SORBS2: variants seen among roughly 807,000 people sequenced by gnomAD.
The protein encoded by SORBS2 is sorbin and SH3 domain-containing protein 2.
A neutral mutation model predicts 97.7 loss-of-function variants in SORBS2; 46 were observed. The observed-to-expected ratio is 0.47, with a 90% CI of 0.37 to 0.60. The LOEUF (loss-of-function observed/expected upper bound fraction) is 0.60. Ranked by LOEUF, SORBS2 falls within the 20% of genes least tolerant of loss-of-function variation. The pLI is 0.00. For missense variants in SORBS2, 1,316 were observed against 1,282.3 expected (o/e 1.03, Z -0.40); for synonymous variants, 476 against 473.4 (o/e 1.01, Z -0.07).
intron 5 of SORBS2, among the ~76,000 whole-genome samples, chr4:185,628,839 T>A (rs532569940): frequency 3.0e-4 from 46 of 152,310 alleles, no homozygotes; most frequent in African/African-American, 1.1e-3. Context: ...ATACTGTCAA[T>A]AGTCTAGAAC....
At chr4:185,663,557 T>C (rs1320342998) in intron 4 of SORBS2, among the ~76,000 whole-genome samples, 1 of 152,224 alleles carries the variant, frequency 6.6e-6, no homozygotes, top group Non-Finnish European at 1.5e-5. Context: ...TTCAAATAAC[T>C]GTGAGGCACA....
chr4:185,926,598 A>G (rs757364241), intron 1 of SORBS2, among the ~76,000 whole-genome samples: 1 of 151,718 alleles, frequency 6.6e-6, no homozygotes, highest in Non-Finnish European at 1.5e-5. Context: ...ATAAAAGCCA[A>G]TTTTTAAAAC....
exon 1 of SORBS2, chr4:185,656,920 T>C: frequency 8.2e-7 from 1 of 1,223,090 alleles, no homozygotes; most frequent in Non-Finnish European, 1.0e-6. Flanking sequence ...TTCCTTTCCA[T>C]GACATTAACT....
At chr4:185,753,781 G>T (rs1329267029) in intron 2 of SORBS2, among the ~76,000 whole-genome samples, 1 of 152,072 alleles carries the variant, frequency 6.6e-6, no homozygotes, top group African/African-American at 2.4e-5. Context: ...AGCACCAATG[G>T]ATGTGAGTTT....
rs368463075 is a variant in SORBS2, at chr4:185,635,344, C to T, written c.397-4746G>A. The T allele has an allele frequency of 1.5e-4, 231 of 1,592,770 alleles. 1 individual carries two copies. The African/African-American group carries it at 2.5e-3, about 17-fold the overall frequency. On this transcript the variant is annotated intron_variant, in intron 4 of 14. Coordinates refer to ENST00000418609, the Ensembl canonical transcript of SORBS2. The stretch of plus-strand genomic sequence containing the variant: ...GAGATATCTGAAAAAGAGAGAATAA[C>T]GTGTTTTTACCTCATTGAAAACACC...
At chr4:185,789,914 A>G (rs768568926) in intron 1 of SORBS2, among the ~76,000 whole-genome samples, 144 of 152,296 alleles carry the variant, frequency 9.5e-4, no homozygotes, top group Non-Finnish European at 1.4e-3. Context: ...TCCTACCTAT[A>G]TAAATACTTA....
chr4:185,786,854 T>C (rs2153640544), intron 1 of SORBS2, among the ~76,000 whole-genome samples: 1 of 151,812 alleles, frequency 6.6e-6, no homozygotes, highest in South Asian at 2.1e-4. Flanking sequence ...CCCAGCTACT[T>C]GGGAGGCTGA....
At chr4:185,746,845 C>A (rs900911107) in intron 2 of SORBS2, among the ~76,000 whole-genome samples, 33 of 152,214 alleles carry the variant, frequency 2.2e-4, no homozygotes, top group Admixed American at 1.6e-3. Context: ...TTGTTATGGG[C>A]TGAATTGTGC....
chr4:185,832,428 T>C (rs2099205660), intron 1 of SORBS2, among the ~76,000 whole-genome samples: 1 of 152,208 alleles, frequency 6.6e-6, no homozygotes, highest in South Asian at 2.1e-4. Context: ...CTTCTATCTA[T>C]CTTGGCTGGT....
chr4:185,827,693 T>C (rs201767035), intron 1 of SORBS2, among the ~76,000 whole-genome samples: 1,155 of 49,362 alleles, frequency 0.023, 5 homozygotes, highest in East Asian at 0.17. Flanking sequence ...ACCACCATCA[T>C]CATCATCACC....
chr4:185,687,883 C>T (rs1261532275), intron 2 of SORBS2, among the ~76,000 whole-genome samples: 1 of 152,156 alleles, frequency 6.6e-6, no homozygotes, highest in African/African-American at 2.4e-5. Context: ...TTTTTAAGAT[C>T]TTAAAACAAG....
At chr4:185,868,755 G>A (rs1391727588) in intron 1 of SORBS2, among the ~76,000 whole-genome samples, 2 of 152,004 alleles carry the variant, frequency 1.3e-5, no homozygotes, top group African/African-American at 4.8e-5. Context: ...CCATCACCAG[G>A]GGCAAGTCAT....
chr4:185,783,007 G>A (rs1254409236), intron 1 of SORBS2, among the ~76,000 whole-genome samples: 1 of 152,116 alleles, frequency 6.6e-6, no homozygotes, highest in African/African-American at 2.4e-5. Context: ...TCTTTTCTGA[G>A]ACATTAAAAA....
chr4:185,687,780 G>A (rs992149421), intron 2 of SORBS2, among the ~76,000 whole-genome samples: 1 of 152,190 alleles, frequency 6.6e-6, no homozygotes, highest in African/African-American at 2.4e-5. Context: ...TCTAAAACTT[G>A]AGGCATTTGT....
chr4:185,905,161 A>T (rs1433135250), intron 1 of SORBS2, among the ~76,000 whole-genome samples: 1 of 152,144 alleles, frequency 6.6e-6, no homozygotes, highest in Non-Finnish European at 1.5e-5. Context: ...GACCATCTGA[A>T]GTAGTCTGTC....
rs115178614 is a variant in SORBS2 at position 185,594,728 on chromosome 4, A to G, written c.2797-793T>C. 3.5e-3 allele frequency among the ~76,000 whole-genome samples: 533 copies of G among 152,304 alleles called. 2 individuals are homozygous for G. Among genetic ancestry groups the G allele is most frequent in the African/African-American group, 0.012 (500 of 41,558 alleles). ...ATACCCACATTAATATTTTCAGTGA[A>G]TGAAAGTTAACATGTTTGTTGAATA... On this transcript the variant is annotated intron_variant, in intron 12 of 14. Coordinates refer to ENST00000418609, the Ensembl canonical transcript of SORBS2.
intron 4 of SORBS2, among the ~76,000 whole-genome samples, chr4:185,671,837 G>A (rs555261217): frequency 9.2e-5 from 14 of 152,320 alleles, no homozygotes; most frequent in African/African-American, 2.9e-4. Flanking sequence ...CTGCTGCCTT[G>A]GAATGTAACT....
exon 7 of SORBS2, chr4:185,622,968 C>A: frequency 6.2e-7 from 1 of 1,613,942 alleles, no homozygotes; most frequent in Non-Finnish European, 8.5e-7. Context: ...GCTGTGTCCA[C>A]GTCTTGGAAA....
intron 2 of SORBS2, among the ~76,000 whole-genome samples, chr4:185,722,430 T>A (rs1257001348): frequency 6.6e-6 from 1 of 152,238 alleles, no homozygotes; most frequent in Admixed American, 6.5e-5. Context: ...TGGAAAACAG[T>A]CTCTGCAATT....
Sources: allele counts gnomAD v4.1 joint callset (sites outside exome capture counted in the v4.1 genomes callset), GRCh38; gene constraint gnomAD v4.1.1; transcripts MANE v1.5; gene names NCBI Gene and HGNC (gene_info 2026-07-23, HGNC 2026-07-21).